KCNH7: variants seen among roughly 807,000 people sequenced by gnomAD.
KCNH7 encodes potassium voltage-gated channel subfamily H member 7.
Under a neutral mutation model 120.8 loss-of-function variants are expected in KCNH7, and 49 were observed. The observed-to-expected ratio is 0.41, with a 90% CI of 0.32 to 0.51. KCNH7 has a LOEUF of 0.51. Ranked by LOEUF, KCNH7 falls within the 20% of genes least tolerant of loss-of-function variation. The pLI is 0.38. For synonymous variants in KCNH7, 547 were observed against 516.1 expected, an observed-to-expected ratio of 1.06 and a Z score of -0.81; for missense variants, 1,097 against 1,446.6, an observed-to-expected ratio of 0.76 and a Z score of 3.92.
At chr2:162,797,140 G>A (rs1225584501) in intron 2 of KCNH7, 5 of 152,138 alleles carry the variant, frequency 3.3e-5, no homozygotes, top group Middle Eastern at 3.4e-3. Flanking sequence ...GACAACCCCT[G>A]TCTCTCGTGT....
At chr2:162,601,355 G>C (rs1293149151) in intron 2 of KCNH7, among the ~76,000 whole-genome samples, 1 of 104,414 alleles carries the variant, frequency 9.6e-6, no homozygotes, top group Non-Finnish European at 1.8e-5. Context: ...TGAATATATT[G>C]TATCTGTTCT....
chr2:162,724,411 G>A (rs964862861), intron 2 of KCNH7, among the ~76,000 whole-genome samples: 1 of 152,018 alleles, frequency 6.6e-6, no homozygotes, highest in African/African-American at 2.4e-5. Flanking sequence ...GGTGGCTCAC[G>A]CCTGTAATCC....
chr2:162,739,026 C>T (rs1175582306), intron 2 of KCNH7, among the ~76,000 whole-genome samples: 1 of 152,154 alleles, frequency 6.6e-6, no homozygotes, highest in Non-Finnish European at 1.5e-5. Context: ...TAATCACAAC[C>T]TGTGCGGGAG....
At chr2:162,587,204 T>C (rs1009262470) in intron 2 of KCNH7, among the ~76,000 whole-genome samples, 1 of 152,162 alleles carries the variant, frequency 6.6e-6, no homozygotes, top group Non-Finnish European at 1.5e-5. Context: ...TTAGGAAAAC[T>C]TGTGTAGATT....
At chr2:162,809,006 A>G (rs186003488) in intron 2 of KCNH7, among the ~76,000 whole-genome samples, 2 of 152,324 alleles carry the variant, frequency 1.3e-5, no homozygotes, top group Admixed American at 1.3e-4. Flanking sequence ...GACAGTATCC[A>G]CTGATAGACT....
chr2:162,787,371 T>C (rs115820198), intron 2 of KCNH7, among the ~76,000 whole-genome samples: 1,774 of 152,084 alleles, frequency 0.012, 38 homozygotes, highest in African/African-American at 0.04. Context: ...CCCACTCCAG[T>C]GCAACACCAG....
At chr2:162,583,312 A>G (rs1465934035) in intron 2 of KCNH7, among the ~76,000 whole-genome samples, 1 of 152,082 alleles carries the variant, frequency 6.6e-6, no homozygotes, top group East Asian at 1.9e-4. Context: ...GAAAATTTAG[A>G]CATACTTTCA....
At chr2:162,472,771 T>C (rs1320328641) in intron 6 of KCNH7, among the ~76,000 whole-genome samples, 1 of 152,204 alleles carries the variant, frequency 6.6e-6, no homozygotes, top group East Asian at 1.9e-4. Context: ...ATCATGCTGC[T>C]ATAAAGACAC....
intron 2 of KCNH7, among the ~76,000 whole-genome samples, chr2:162,699,977 T>G (rs1434230733): frequency 6.6e-6 from 1 of 152,180 alleles, no homozygotes; most frequent in Non-Finnish European, 1.5e-5. Context: ...AAAATTACTT[T>G]TTTTTTCATT....
intron 2 of KCNH7, among the ~76,000 whole-genome samples, chr2:162,609,690 T>A (rs1682895753): frequency 6.6e-6 from 1 of 152,100 alleles, no homozygotes; most frequent in African/African-American, 2.4e-5. Flanking sequence ...TTCCTCCTTT[T>A]TGAAGGGAGA....
At chr2:162,692,124 G>GT (rs71410029) in intron 2 of KCNH7, among the ~76,000 whole-genome samples, 6,364 of 144,442 alleles carry the variant, frequency 0.044, 155 homozygotes, top group East Asian at 0.12. Context: ...ACAACATTGA[G>GT]TTTTTTTTTT....
intron 9 of KCNH7, among the ~76,000 whole-genome samples, chr2:162,419,733 G>T (rs1252568431): frequency 6.6e-6 from 1 of 152,100 alleles, no homozygotes; most frequent in Non-Finnish European, 1.5e-5. Context: ...TCTTCATCCA[G>T]AAAGATATAT....
At position 162,482,825 on chromosome 2, in the gene KCNH7, CA is replaced by C. The variant is rs1184218314; in HGVS notation, c.1128+21617del. On this transcript the variant is annotated intron_variant, in intron 6 of 15. Transcript: ENST00000332142. ...TCCATATTTTTCTGGATAGCTATACCAAAAAAAAGTTTCATATAAAACTGAA... is the reference window on the plus strand; with the variant it reads ...TCCATATTTTTCTGGATAGCTATACCAAAAAAAGTTTCATATAAAACTGAA... Among the ~76,000 whole-genome samples, 14 of 151,554 alleles carry C rather than the reference CA, an allele frequency of 9.2e-5. No individual in the cohort carries two copies. The South Asian group carries it at 2.1e-3, about 23-fold the overall frequency.
chr2:162,735,895 T>C (rs1251221279), intron 2 of KCNH7, among the ~76,000 whole-genome samples: 1 of 152,132 alleles, frequency 6.6e-6, no homozygotes, highest in Non-Finnish European at 1.5e-5. Flanking sequence ...CATAATATGC[T>C]CCTTGAGAAG....
intron 2 of KCNH7, among the ~76,000 whole-genome samples, chr2:162,621,559 C>T (rs1453884954): frequency 6.6e-6 from 1 of 152,046 alleles, no homozygotes; most frequent in Non-Finnish European, 1.5e-5. Context: ...GTACCACTTG[C>T]TGAGTGGGTG....
chr2:162,432,347 C>T (rs887154903), intron 8 of KCNH7, among the ~76,000 whole-genome samples: 7 of 151,828 alleles, frequency 4.6e-5, no homozygotes, highest in African/African-American at 1.7e-4. Flanking sequence ...TGTAGAATGT[C>T]TTAATAGTTA....
At chr2:162,385,776 G>T (rs899668312) in intron 12 of KCNH7, among the ~76,000 whole-genome samples, 1 of 151,846 alleles carries the variant, frequency 6.6e-6, no homozygotes, top group Non-Finnish European at 1.5e-5. Context: ...GGTGAAGACA[G>T]TGTCTCCATC....
intron 2 of KCNH7, among the ~76,000 whole-genome samples, chr2:162,762,055 C>G (rs1688986405): frequency 6.6e-6 from 1 of 152,066 alleles, no homozygotes; most frequent in Admixed American, 6.6e-5. Flanking sequence ...CAGCGTTGCT[C>G]TCTTTGCCTC....
intron 2 of KCNH7, among the ~76,000 whole-genome samples, chr2:162,828,096 T>C (rs1219895601): frequency 6.6e-6 from 1 of 152,166 alleles, no homozygotes; most frequent in African/African-American, 2.4e-5. Context: ...ATAGACTTTT[T>C]AGCAAACCCA....
Sources: gnomAD v4.1 joint callset for allele counts (sites outside exome capture counted in the v4.1 genomes callset) on GRCh38, gnomAD v4.1.1 for gene constraint, MANE v1.5 for transcripts, NCBI Gene and HGNC (gene_info 2026-07-23, HGNC 2026-07-21) for gene names.